The following GLI3 variants were observed in gnomAD, a reference collection of about 807,000 sequenced individuals.
GLI3 encodes transcription activator GLI3.
A neutral mutation model predicts 100.8 loss-of-function variants in GLI3; 20 were observed. The observed-to-expected ratio is 0.20, with a 90% CI of 0.14 to 0.29. The LOEUF (loss-of-function observed/expected upper bound fraction) is 0.29, where lower values mean the gene tolerates loss of function less well. GLI3 is among the 10% of genes least tolerant of loss of function. The probability of loss-of-function intolerance (pLI) is 1.00; values close to 1 mark genes in which losing one functional copy is unlikely to be tolerated. For missense variants in GLI3, 2,040 were observed against 2,128.5 expected (o/e 0.96, Z 0.82); for synonymous variants, 938 against 860.5 (o/e 1.09, Z -1.58).
intron 10 of GLI3, among the ~76,000 whole-genome samples, chr7:41,983,491 T>C (rs1031208842): frequency 4.6e-5 from 7 of 152,196 alleles, no homozygotes; most frequent in Admixed American, 1.3e-4. Flanking sequence ...CATATGAAGC[T>C]GGCCTGAAAT....
Position 42,145,430 on chromosome 7 carries a change from T to G in GLI3, c.367+2796A>C. ...CTCATTTAAAATCTTTACAATTTCT[T>G]CACTTACAAAACAGAAAAAAGTTAT... On this transcript the variant is annotated intron_variant, in intron 3 of 14. Transcript: ENST00000395925. 3 of 397,494 alleles carry G rather than the reference T, an allele frequency of 7.5e-6. No individual in the cohort carries two copies. The East Asian group carries it at 1.1e-4, about 14-fold the overall frequency. 24.6% of individuals were successfully genotyped at this position (397,494 alleles called of 1,614,324 possible). A position where few individuals can be genotyped will look rare whatever the true frequency, so the allele number is the denominator to read the frequency against.
At chr7:41,973,160 C>T (rs1034508776) in intron 12 of GLI3, among the ~76,000 whole-genome samples, 88 of 152,164 alleles carry the variant, frequency 5.8e-4, no homozygotes, top group African/African-American at 2.0e-3. Flanking sequence ...TAAAAATTGC[C>T]GATGGCATCT....
rs1260586316 is a variant in GLI3, at chr7:41,972,355, G to T, written c.2085C>A (p.Val695=). Reference sequence around the variant, plus strand: ...GACATACCATTGGCTTCTCTGCCTTGACGGTTTTCACCTGGAGGCATTCTT... The same window carrying T: ...GACATACCATTGGCTTCTCTGCCTTTACGGTTTTCACCTGGAGGCATTCTT... The part of the protein sequence containing the change: ...KREECLQVKT[V]KAEKPMTSQP... The change falls in exon 13 of 15, where the codon GTC becomes GTA. Residue 695 remains valine (V), a synonymous_variant. Transcript: ENST00000395925. The surrounding 1 kb of genome is among the most constrained non-coding windows in gnomAD (Gnocchi z 4.4). 6 of 1,613,930 alleles carry T rather than the reference G, an allele frequency of 3.7e-6. No homozygotes were observed. The African/African-American group carries it at 8.0e-5, about 22-fold the overall frequency.
intron 1 of GLI3, among the ~76,000 whole-genome samples, chr7:42,230,922 T>C (rs1401823692): frequency 2.0e-5 from 3 of 152,354 alleles, no homozygotes; most frequent in Non-Finnish European, 4.4e-5. Context: ...ATAGATCAGC[T>C]AAGCTCATGA....
chr7:42,007,392 T>TA (rs1012155775), intron 10 of GLI3, among the ~76,000 whole-genome samples: 7 of 152,062 alleles, frequency 4.6e-5, no homozygotes, highest in Non-Finnish European at 7.4e-5. Flanking sequence ...GACTGCAGTT[T>TA]AAAAAAAGTG....
rs1005836181 is a variant in GLI3 at position 41,963,555 on chromosome 7, T to C, written c.*775A>G. Reference sequence around the variant, plus strand: ...AAACAGCACTGAATGTTCATGAAGGTAGTGGGAGGAGAGGCAAATGTGATA... The same window carrying C: ...AAACAGCACTGAATGTTCATGAAGGCAGTGGGAGGAGAGGCAAATGTGATA... On this transcript the variant is annotated 3_prime_UTR_variant, in exon 15 of 15. Transcript: ENST00000395925. The C allele has an allele frequency of 6.6e-6, 1 of 152,200 alleles. No homozygotes were observed. Among genetic ancestry groups the C allele is most frequent in the South Asian group, 2.1e-4 (1 of 4,832 alleles). 9.4% of individuals were successfully genotyped at this position (152,200 alleles called of 1,614,324 possible).
intron 3 of GLI3, among the ~76,000 whole-genome samples, chr7:42,124,337 TAA>T (rs1786074909): frequency 6.6e-6 from 1 of 152,208 alleles, no homozygotes; most frequent in Non-Finnish European, 1.5e-5. Flanking sequence ...TTCAAATTTG[TAA>T]AGAGTCTGAC....
intron 1 of GLI3, among the ~76,000 whole-genome samples, chr7:42,229,598 G>A (rs1482656023): frequency 6.6e-6 from 1 of 152,174 alleles, no homozygotes; most frequent in Non-Finnish European, 1.5e-5. Flanking sequence ...AACCTACCCT[G>A]TAGCACTGAA....
chr7:42,097,898 C>T (rs1785376595), intron 3 of GLI3, among the ~76,000 whole-genome samples: 1 of 152,148 alleles, frequency 6.6e-6, no homozygotes, highest in Admixed American at 6.5e-5. Flanking sequence ...AAATCATCTA[C>T]CAGCTGCTTC....
chr7:41,964,228 G>A lies in GLI3; in HGVS notation c.*102C>T. The A allele has an allele frequency of 1.1e-6, 1 of 948,602 alleles. No individual in the cohort carries two copies. The highest frequency in any genetic ancestry group is 1.7e-6 in the Non-Finnish European group (1 of 600,538). The allele number at this position is 948,602 out of a possible 1,614,324, so 58.8% of individuals were successfully genotyped here. ...CATCTCAGTTAGGTGAGATGAGATT[G>A]CTAAAATACATACAGAACTAAAAAA... On this transcript the variant is annotated 3_prime_UTR_variant, in exon 15 of 15. Transcript: ENST00000395925.
chr7:41,987,103 C>CACAGACACAG (rs751127356), intron 10 of GLI3, among the ~76,000 whole-genome samples: 5 of 117,608 alleles, frequency 4.3e-5, no homozygotes, highest in South Asian at 2.4e-4. Flanking sequence ...CAGACACAGA[C>CACAGACACAG]ACACACACAC....
At chr7:42,158,222 C>T (rs780404846) in intron 2 of GLI3, among the ~76,000 whole-genome samples, 16 of 152,180 alleles carry the variant, frequency 1.1e-4, no homozygotes, top group Admixed American at 5.9e-4. Flanking sequence ...AACGCCAGGC[C>T]AGTGCTATGT....
intron 2 of GLI3, among the ~76,000 whole-genome samples, chr7:42,190,467 A>G (rs1015721658): frequency 2.0e-5 from 3 of 152,370 alleles, no homozygotes; most frequent in East Asian, 1.9e-4. Flanking sequence ...CTGATTAAAT[A>G]TAAGTGACCA....
intron 1 of GLI3, among the ~76,000 whole-genome samples, chr7:42,263,373 A>G (rs1209848361): frequency 2.6e-5 from 4 of 152,178 alleles, no homozygotes; most frequent in African/African-American, 9.7e-5. Flanking sequence ...GTTGAAAGAC[A>G]CTGTGGGTCA....
chr7:42,141,215 A>T (rs1786559816), intron 3 of GLI3, among the ~76,000 whole-genome samples: 1 of 152,198 alleles, frequency 6.6e-6, no homozygotes, highest in South Asian at 2.1e-4. Context: ...AAAGGCAAAC[A>T]AACATCATGC....
rs146582871 is a variant in GLI3 at position 41,965,244 on chromosome 7, G to C, written c.3829C>G (p.Gln1277Glu). The C allele has an allele frequency of 7.4e-5, 120 of 1,613,686 alleles. No individual in the cohort carries two copies. In the African/African-American group the frequency reaches 1.4e-3, roughly 18 times the overall value. The change falls in exon 15 of 15, where the codon CAA becomes GAA. Residue 1277 changes from glutamine to glutamate, a missense_variant. Gln to Glu is a conservative substitution (Grantham distance 29, BLOSUM62 2). Transcript: ENST00000395925. ...GGGGTGCTCTTCAGCTTTGAGGCTT[G>C]AATCCCGGCACCACAGGCACCGTCG... ...ALDGACGAGI[Q>E]ASKLKSTPMQ...
At chr7:42,261,239 G>C (rs1409011727) in intron 1 of GLI3, among the ~76,000 whole-genome samples, 1 of 90,246 alleles carries the variant, frequency 1.1e-5, no homozygotes, top group Non-Finnish European at 2.8e-5. Context: ...CACACAGAGA[G>C]AGATTATGGG....
At chr7:41,975,207 C>A (rs1344840543) in intron 12 of GLI3, among the ~76,000 whole-genome samples, 1 of 152,312 alleles carries the variant, frequency 6.6e-6, no homozygotes, top group African/African-American at 2.4e-5. Context: ...CAGAGAAGTG[C>A]CAGCAATTAC....
intron 1 of GLI3, among the ~76,000 whole-genome samples, chr7:42,257,345 T>G (rs113054419): frequency 0.017 from 2,550 of 150,798 alleles, 27 homozygotes; most frequent in South Asian, 0.032. Context: ...TAGGTGGAAA[T>G]CATTCAGTCT....
Sources: allele counts gnomAD v4.1 joint callset (sites outside exome capture counted in the v4.1 genomes callset), GRCh38; gene constraint gnomAD v4.1.1; non-coding constraint Gnocchi (gnomAD v3.1); transcripts MANE v1.5; gene names NCBI Gene and HGNC (gene_info 2026-07-23, HGNC 2026-07-21).